RBFOX1: variants seen among roughly 807,000 people sequenced by gnomAD.
The protein encoded by RBFOX1 is RNA binding fox-1 homolog 1.
In RBFOX1, 8 loss-of-function variants were observed where a neutral mutation model predicts 57.7. That is an observed-to-expected ratio of 0.14 (90% CI 0.08 to 0.25). RBFOX1 has a LOEUF of 0.25. RBFOX1 is among the 10% of genes least tolerant of loss of function. RBFOX1 has a pLI of 1.00. For missense variants in RBFOX1, 611 were observed against 548.5 expected (o/e 1.11, Z -1.14); for synonymous variants, 326 against 222.4 (o/e 1.47, Z -4.15).
intron 4 of RBFOX1, among the ~76,000 whole-genome samples, chr16:7,500,309 C>A (rs1447572965): frequency 6.6e-6 from 1 of 152,162 alleles, no homozygotes; most frequent in Non-Finnish European, 1.5e-5. Flanking sequence ...AACATACTTA[C>A]AAAGTAGTAG....
chr16:6,975,859 G>C (rs2086708887), intron 3 of RBFOX1, among the ~76,000 whole-genome samples: 1 of 152,136 alleles, frequency 6.6e-6, no homozygotes, highest in African/African-American at 2.4e-5. Context: ...GGGTATGGTG[G>C]TGCACACCTG....
chr16:6,929,244 A>T (rs2076124884), intron 3 of RBFOX1, among the ~76,000 whole-genome samples: 1 of 152,148 alleles, frequency 6.6e-6, no homozygotes, highest in Non-Finnish European at 1.5e-5. Flanking sequence ...TATGACAGAG[A>T]AGAAGAAGAT....
intron 1 of RBFOX1, among the ~76,000 whole-genome samples, chr16:6,070,614 C>T (rs1366412044): frequency 2.0e-5 from 3 of 152,110 alleles, no homozygotes; most frequent in Non-Finnish European, 4.4e-5. Context: ...GAGGCAAATT[C>T]ATAGGTGCCT....
At chr16:6,172,638 A>G (rs1248874752) in intron 1 of RBFOX1, among the ~76,000 whole-genome samples, 4 of 152,170 alleles carry the variant, frequency 2.6e-5, no homozygotes, top group South Asian at 2.1e-4. Flanking sequence ...GGATTATTCA[A>G]TGTAGAAACT....
intron 3 of RBFOX1, among the ~76,000 whole-genome samples, chr16:5,764,036 T>TTA (rs2053685618): frequency 6.6e-6 from 1 of 152,190 alleles, no homozygotes; most frequent in Non-Finnish European, 1.5e-5. Flanking sequence ...ACCCCCGTGG[T>TTA]TAGAATCACA....
At chr16:6,864,001 T>TG (rs1491585571) in intron 3 of RBFOX1, among the ~76,000 whole-genome samples, 7 of 150,874 alleles carry the variant, frequency 4.6e-5, no homozygotes, top group Non-Finnish European at 1.0e-4. Flanking sequence ...TTTTTTTTTT[T>TG]TTTGTTGAGA....
chr16:5,919,888 T>G (rs1174709876), intron 4 of RBFOX1, among the ~76,000 whole-genome samples: 3 of 152,222 alleles, frequency 2.0e-5, no homozygotes, highest in Non-Finnish European at 4.4e-5. Flanking sequence ...CTCTGCCTTT[T>G]TTTTCACTGA....
At chr16:6,883,009 A>G (rs2063273544) in intron 3 of RBFOX1, among the ~76,000 whole-genome samples, 1 of 152,174 alleles carries the variant, frequency 6.6e-6, no homozygotes. Flanking sequence ...TGTTAAGTCC[A>G]ATCTGCAGAT....
At chr16:7,683,033 T>TATATATATATATATATATATA (rs374375329) in intron 14 of RBFOX1, among the ~76,000 whole-genome samples, 1 of 25,820 alleles carries the variant, frequency 3.9e-5, no homozygotes, top group South Asian at 1.1e-3. Flanking sequence ...TATATATATA[T>TATATATATATATATATATATA]AAAACAGTGC....
chr16:6,675,050 T>C (rs1255240357), intron 3 of RBFOX1, among the ~76,000 whole-genome samples: 34 of 152,024 alleles, frequency 2.2e-4, no homozygotes, highest in Admixed American at 2.2e-3. Context: ...GGACTACAGG[T>C]ATGTGCCACC....
chr16:5,318,968 A>G (rs1417171173), intron 1 of RBFOX1, among the ~76,000 whole-genome samples: 2 of 152,082 alleles, frequency 1.3e-5, no homozygotes, highest in African/African-American at 4.8e-5. Flanking sequence ...TCTACTAAAA[A>G]TACAAAAAAT....
chr16:6,317,435 C>T (rs2081249055), intron 2 of RBFOX1, among the ~76,000 whole-genome samples: 1 of 151,904 alleles, frequency 6.6e-6, no homozygotes, highest in African/African-American at 2.4e-5. Flanking sequence ...AAAGAAATGC[C>T]AGCAAACACA....
At chr16:6,661,354 T>G (rs1212069239) in intron 3 of RBFOX1, among the ~76,000 whole-genome samples, 4 of 151,984 alleles carry the variant, frequency 2.6e-5, no homozygotes, top group Non-Finnish European at 5.9e-5. Context: ...GACAAGACGG[T>G]GTAGAGAACA....
intron 1 of RBFOX1, among the ~76,000 whole-genome samples, chr16:6,289,529 A>G (rs1275929459): frequency 6.6e-6 from 1 of 152,164 alleles, no homozygotes; most frequent in Non-Finnish European, 1.5e-5. Flanking sequence ...TTACAGAACC[A>G]TAGCTATTCA....
chr16:6,789,296 T>C (rs1225306004), intron 3 of RBFOX1, among the ~76,000 whole-genome samples: 2 of 152,310 alleles, frequency 1.3e-5, no homozygotes, highest in East Asian at 3.9e-4. Flanking sequence ...GCAGTTGATA[T>C]TTATAGCCAG....
At chr16:6,402,249 A>C (rs1166055533) in intron 2 of RBFOX1, among the ~76,000 whole-genome samples, 1 of 152,106 alleles carries the variant, frequency 6.6e-6, no homozygotes, top group Non-Finnish European at 1.5e-5. Flanking sequence ...ATTCATCCCC[A>C]CCCACTGGTC....
At chr16:5,816,570 G>A (rs940689810) in intron 3 of RBFOX1, among the ~76,000 whole-genome samples, 11 of 152,268 alleles carry the variant, frequency 7.2e-5, no homozygotes, top group African/African-American at 2.6e-4. Flanking sequence ...GGGAGGTTGA[G>A]CCCAGGACTT....
intron 4 of RBFOX1, among the ~76,000 whole-genome samples, chr16:7,171,677 G>A (rs2080730984): frequency 6.6e-6 from 1 of 152,180 alleles, no homozygotes; most frequent in Non-Finnish European, 1.5e-5. Context: ...CATTGCAAAT[G>A]GATTTAGTTA....
At chr16:6,475,815 T>C (rs1181460943) in intron 2 of RBFOX1, among the ~76,000 whole-genome samples, 1 of 152,218 alleles carries the variant, frequency 6.6e-6, no homozygotes. Flanking sequence ...ATTACTGTAT[T>C]GTGAGGAATA....
Sources: gnomAD v4.1 joint callset for allele counts (sites outside exome capture counted in the v4.1 genomes callset) on GRCh38, gnomAD v4.1.1 for gene constraint, MANE v1.5 for transcripts, NCBI Gene and HGNC (gene_info 2026-07-23, HGNC 2026-07-21) for gene names.